CD55: variants seen among roughly 807,000 people sequenced by gnomAD.
CD55 encodes complement decay-accelerating factor.
Under a neutral mutation model 45.8 loss-of-function variants are expected in CD55, and 41 were observed. That is an observed-to-expected ratio of 0.90 (90% confidence interval 0.70 to 1.16). CD55 has a LOEUF of 1.16. Ranked by LOEUF, CD55 falls within the 50% of genes most tolerant of loss-of-function variation. The probability of loss-of-function intolerance (pLI) is 0.00; values close to 1 mark genes in which losing one functional copy is unlikely to be tolerated. For synonymous variants in CD55, 181 were observed against 181.1 expected, an observed-to-expected ratio of 1.00 and a Z score of 0.01; for missense variants, 416 against 469.8, an observed-to-expected ratio of 0.89 and a Z score of 1.06.
chr1:207,324,557 AG>A lies in CD55; in HGVS notation c.287del. ...TGTTGCTGCTTTTGTTAATACTTTTAGGTAGCTGCGAGGTGCCAACAAGGCT... is the reference window on the plus strand; with the variant it reads ...TGTTGCTGCTTTTGTTAATACTTTTAGTAGCTGCGAGGTGCCAACAAGGCT... On this transcript the variant is annotated splice_acceptor_variant, in intron 2 of 9. Transcript: ENST00000367064. LOFTEE classifies it high-confidence loss of function. The A allele has an allele frequency of 6.5e-7, 1 of 1,545,348 alleles. No individual in the cohort carries two copies. The highest frequency in any genetic ancestry group is 1.4e-5 in the African/African-American group (1 of 72,496).
chr1:207,349,180 G>T (rs1655765542), intron 9 of CD55, among the ~76,000 whole-genome samples: 2 of 149,366 alleles, frequency 1.3e-5, no homozygotes, highest in South Asian at 4.2e-4. Context: ...TAAAAATTTT[G>T]TATTAATTTT....
In CD55 at chr1:207,339,385, C is replaced by A; in HGVS notation, c.1061-12C>A. 6.3e-7 allele frequency: 1 copy of A among 1,598,384 alleles called. No individual in the cohort carries two copies. The highest frequency in any genetic ancestry group is 1.8e-5 in the Admixed American group (1 of 56,806). On this transcript the variant is annotated splice_polypyrimidine_tract_variant and intron_variant, in intron 8 of 9. Transcript: ENST00000367064. ...TTTTGTTGTTAATCCTTTTTTTCCC[C>A]TTCGTCTGTAGGTACTACCCGTCTT... is the stretch of plus-strand genomic sequence containing the variant.
intron 8 of CD55, among the ~76,000 whole-genome samples, chr1:207,339,062 A>C (rs1655304785): frequency 6.6e-6 from 1 of 152,104 alleles, no homozygotes. Flanking sequence ...TTGGATCAGC[A>C]ATTATTTACT....
intron 9 of CD55, among the ~76,000 whole-genome samples, chr1:207,345,485 A>AT (rs1558154491): frequency 6.6e-6 from 1 of 151,582 alleles, no homozygotes; most frequent in Non-Finnish European, 1.5e-5. Flanking sequence ...ATTTCTTTGT[A>AT]TTTTTTTAAA....
chr1:207,325,227 T>A (rs1187712813), intron 3 of CD55, among the ~76,000 whole-genome samples: 1 of 151,152 alleles, frequency 6.6e-6, no homozygotes, highest in Non-Finnish European at 1.5e-5. Context: ...CCCAGCTTCT[T>A]GGAAGGCTGA....
chr1:207,353,880 T>C, intron 9 of CD55: 1 of 723,518 alleles, frequency 1.4e-6, no homozygotes. Context: ...GAAAATCTCT[T>C]CCCAGGGTGC....
At chr1:207,337,211 A>G in intron 7 of CD55, 118 bp from the exon 8 acceptor site, 5 of 706,562 alleles carry the variant, frequency 7.1e-6, no homozygotes, top group Non-Finnish European at 1.0e-5. Context: ...AAAATTCACC[A>G]CAGCAAAAGT....
At chr1:207,339,677 G>T (rs1397841372) in intron 9 of CD55, among the ~76,000 whole-genome samples, 2 of 152,090 alleles carry the variant, frequency 1.3e-5, no homozygotes, top group Non-Finnish European at 1.5e-5. Flanking sequence ...TTATTTGGAA[G>T]ATAATCCCAG....
chr1:207,324,612 A>G lies in CD55; in HGVS notation c.340A>G (p.Ile114Val), dbSNP rs1329337883. The change falls in exon 3 of 10, where the codon ATC becomes GTC. Residue 114 changes from isoleucine to valine, a missense_variant. Coordinates refer to ENST00000367064, the MANE Select transcript of CD55 (RefSeq NM_000574.5). ...LNSASLKQPY[I>V]TQNYFPVGTV... is the part of the protein sequence containing the mutation. ...TTCTGCATCCCTCAAACAGCCTTAT[A>G]TCACTCAGAATTATTTTCCAGTCGG... 1.9e-6 allele frequency: 3 copies of G among 1,612,068 alleles called. No individual in the cohort carries two copies. The highest frequency in any genetic ancestry group is 1.7e-5 in the Admixed American group (1 of 59,738).
intron 8 of CD55, 71 bp downstream of exon 8, chr1:207,337,480 A>G: frequency 1.2e-6 from 1 of 838,556 alleles, no homozygotes; most frequent in Admixed American, 1.9e-5. Context: ...AACTTGACCA[A>G]GATTGCAGGA....
rs553749988 is a variant in CD55, at chr1:207,332,450, G to C, written c.853+1154G>C. Among the ~76,000 whole-genome samples the C allele has an allele frequency of 3.3e-5, 5 of 152,214 alleles. 1 individual carries two copies. In the South Asian group the frequency reaches 1.0e-3, roughly 32 times the overall value. On this transcript the variant is annotated intron_variant, in intron 6 of 9. Transcript: ENST00000367064. The stretch of plus-strand genomic sequence containing the variant: ...TGAATTACATTTTTCATGCCCATTA[G>C]TAGCACTGCTTTTTAAAAGACTGTA...
intron 5 of CD55, among the ~76,000 whole-genome samples, chr1:207,329,482 TAAA>T (rs929180569): frequency 1.3e-5 from 2 of 152,206 alleles, no homozygotes; most frequent in Non-Finnish European, 2.9e-5. Context: ...TCCTATCACT[TAAA>T]AAGCCCAAAT....
At chr1:207,323,549 C>G (rs532692063) in intron 2 of CD55, among the ~76,000 whole-genome samples, 51 of 152,168 alleles carry the variant, frequency 3.4e-4, no homozygotes, top group Middle Eastern at 6.8e-3. Flanking sequence ...GGAAAAAAAT[C>G]TGTTACTTAC....
intron 1 of CD55, chr1:207,322,134 A>G (rs1332302817): frequency 6.2e-6 from 4 of 649,536 alleles, no homozygotes; most frequent in East Asian, 2.7e-5. Context: ...AAGCCTGGCA[A>G]AATCGAAAGG....
chr1:207,350,609 C>G (rs540437582), intron 9 of CD55, among the ~76,000 whole-genome samples: 1 of 152,032 alleles, frequency 6.6e-6, no homozygotes, highest in Non-Finnish European at 1.5e-5. Flanking sequence ...CAAGAATTTA[C>G]CATTTCTTCT....
intron 9 of CD55, among the ~76,000 whole-genome samples, chr1:207,341,114 G>A (rs1655408173): frequency 6.6e-6 from 1 of 152,052 alleles, no homozygotes; most frequent in Non-Finnish European, 1.5e-5. Flanking sequence ...TTTTTAGTGT[G>A]ATTATTTGTT....
At chr1:207,325,000 G>A (rs1474578857) in intron 3 of CD55, among the ~76,000 whole-genome samples, 3 of 151,956 alleles carry the variant, frequency 2.0e-5, no homozygotes, top group African/African-American at 4.8e-5. Context: ...TTCTAAATTC[G>A]TTGCTTTTTC....
chr1:207,330,351 C>T (rs1055275239), intron 5 of CD55, among the ~76,000 whole-genome samples: 4 of 149,242 alleles, frequency 2.7e-5, no homozygotes, highest in South Asian at 2.1e-4. Context: ...AAAAGGACAA[C>T]AACATCATGC....
chr1:207,349,988 T>A (rs190100686), intron 9 of CD55: 10 of 390,294 alleles, frequency 2.6e-5, no homozygotes, highest in African/African-American at 2.1e-4. Context: ...TGATGTTGGC[T>A]GTGGGTTTTT....
Sources: allele counts gnomAD v4.1 joint callset (sites outside exome capture counted in the v4.1 genomes callset), GRCh38; gene constraint gnomAD v4.1.1; transcripts MANE v1.5; gene names NCBI Gene and HGNC (gene_info 2026-07-23, HGNC 2026-07-21).